The following SLC39A3 variants were observed in gnomAD, a reference collection of about 807,000 sequenced individuals.
SLC39A3 encodes the protein solute carrier family 39 member 3.
A neutral mutation model predicts 5.1 loss-of-function variants in SLC39A3; 3 were observed. That is an observed-to-expected ratio of 0.59 (90% confidence interval 0.27 to 1.54). The LOEUF (loss-of-function observed/expected upper bound fraction) is 1.54, where lower values mean the gene tolerates loss of function less well. Among genes scored for constraint, SLC39A3 ranks in the 40% most tolerant of loss-of-function variants. The probability of loss-of-function intolerance (pLI) is 0.12; values close to 1 mark genes in which losing one functional copy is unlikely to be tolerated. For synonymous variants in SLC39A3, 250 were observed against 218.8 expected (o/e 1.14, Z -1.26); for missense variants, 412 against 436.4 (o/e 0.94, Z 0.50).
intron 2 of SLC39A3, 78 bp downstream of exon 2, chr19:2,736,970 C>T (rs751234086): frequency 5.6e-5 from 89 of 1,593,610 alleles, no homozygotes; most frequent in Non-Finnish European, 7.3e-5. Context: ...CTGAACTTGG[C>T]ATCAGTGTTG....
chr19:2,735,243 C>G lies in SLC39A3; in HGVS notation c.211-1758G>C. On this transcript the variant is annotated intron_variant, in intron 2 of 2. Transcript: ENST00000269740. The surrounding 1 kb of genome is among the most constrained non-coding windows in gnomAD (Gnocchi z 5.7). Reference sequence around the variant, plus strand: ...CCATCCTCGCAGTGCAGATGTCAGTCTTCACACACCGCGTAACGAACGAAT... The same window carrying G: ...CCATCCTCGCAGTGCAGATGTCAGTGTTCACACACCGCGTAACGAACGAAT... The G allele has an allele frequency of 1.0e-6, 1 of 984,740 alleles. No individual in the cohort carries two copies. The highest frequency in any genetic ancestry group is 1.7e-5 in the African/African-American group (1 of 57,336). The allele number at this position is 984,740 out of a possible 1,614,324, so 61.0% of individuals were successfully genotyped here.
chr19:2,737,032 C>T lies in SLC39A3; in HGVS notation c.210+16G>A. ...AAGGTGCCAAGGGCTGCTGCTAGTG[C>T]CCAGGGAGCCCTTACCTTTTCCCTC... On this transcript the variant is annotated intron_variant, in intron 2 of 2. Transcript: ENST00000269740. The T allele has an allele frequency of 6.2e-7, 1 of 1,613,930 alleles. No individual in the cohort carries two copies. The highest frequency in any genetic ancestry group is 8.5e-7 in the Non-Finnish European group (1 of 1,179,884).
At chr19:2,739,675 A>T (rs756018843) in intron 1 of SLC39A3, among the ~76,000 whole-genome samples, 8 of 152,118 alleles carry the variant, frequency 5.3e-5, no homozygotes, top group Non-Finnish European at 4.4e-5. Context: ...GGCGCCCAAT[A>T]AAGACCTGTC....
rs1914293425 is a variant in SLC39A3, at chr19:2,734,424, A to ACACACGCACG, written c.211-949_211-940dup. ...CACACACACACACACGCATATGTGC[A>ACACACGCACG]CACACGCACGCACACACACGCGCAC... On this transcript the variant is annotated intron_variant, in intron 2 of 2. Coordinates refer to ENST00000269740, the MANE Select transcript of SLC39A3 (RefSeq NM_144564.5). The surrounding 1 kb of genome is among the most constrained non-coding windows in gnomAD (Gnocchi z 4.6). The ACACACGCACG allele has an allele frequency of 6.6e-6, 1 of 152,384 alleles. No homozygotes were observed. Among genetic ancestry groups the ACACACGCACG allele is most frequent in the South Asian group, 2.1e-4 (1 of 4,844 alleles). The allele number at this position is 152,384 out of a possible 1,614,324, so 9.4% of individuals were successfully genotyped here. A position where few individuals can be genotyped will look rare whatever the true frequency, so the allele number is the denominator to read the frequency against.
chr19:2,733,587 C>T lies in SLC39A3; in HGVS notation c.211-102G>A, dbSNP rs1914268017. Reference sequence around the variant, plus strand: ...CCGTTCAAAGCAAAGTCCAGAAATCCCCGATTCACACAGAGGTTAAAACAA... The same window carrying T: ...CCGTTCAAAGCAAAGTCCAGAAATCTCCGATTCACACAGAGGTTAAAACAA... On this transcript the variant is annotated intron_variant, in intron 2 of 2. Coordinates refer to ENST00000269740, the MANE Select transcript of SLC39A3 (RefSeq NM_144564.5). This position sits in a 1 kb window ranked among gnomAD's most constrained non-coding sequence, Gnocchi z 6.1. 15 of 1,434,714 alleles carry T rather than the reference C, an allele frequency of 1.0e-5. No individual in the cohort carries two copies. Among genetic ancestry groups the T allele is most frequent in the Non-Finnish European group, 1.4e-5 (15 of 1,075,844 alleles). 88.9% of individuals were successfully genotyped at this position (1,434,714 alleles called of 1,614,324 possible). A position where few individuals can be genotyped will look rare whatever the true frequency, so the allele number is the denominator to read the frequency against.
intron 2 of SLC39A3, chr19:2,736,836 T>A: frequency 6.8e-7 from 1 of 1,468,074 alleles, no homozygotes; most frequent in Non-Finnish European, 9.0e-7. Context: ...CTGTTGGGAA[T>A]CCCAGGTCTG....
Position 2,733,201 on chromosome 19 carries a change from G to T in SLC39A3, c.495C>A (p.Ala165=). ...CCAGGCTGAGCAGGCGCACGGGGCTGGCGCGCGAGAGGCCCTGCACGCTCA... is the reference window on the plus strand; with the variant it reads ...CCAGGCTGAGCAGGCGCACGGGGCTTGCGCGCGAGAGGCCCTGCACGCTCA... ...PSLSVQGLSR[A]SPVRLLSLAF... The change falls in exon 3 of 3, where the codon GCC becomes GCA. Residue 165 remains alanine (A), a synonymous_variant. Coordinates refer to ENST00000269740, the MANE Select transcript of SLC39A3 (RefSeq NM_144564.5). The surrounding 1 kb of genome is among the most constrained non-coding windows in gnomAD (Gnocchi z 6.1). 1 of 1,607,352 alleles carries T rather than the reference G, an allele frequency of 6.2e-7. No homozygotes were observed. The highest frequency in any genetic ancestry group is 8.5e-7 in the Non-Finnish European group (1 of 1,177,034).
intron 2 of SLC39A3, chr19:2,736,688 T>G: frequency 7.4e-7 from 1 of 1,357,148 alleles, no homozygotes; most frequent in Non-Finnish European, 9.5e-7. Flanking sequence ...GTGCTCAGTT[T>G]GCTATAATTT....
intron 2 of SLC39A3, chr19:2,736,225 G>A (rs1247575871): frequency 2.0e-6 from 2 of 983,752 alleles, no homozygotes; most frequent in Non-Finnish European, 2.4e-6. Flanking sequence ...CCTGCCTCTT[G>A]ACAGCCATAC....
Position 2,733,190 on chromosome 19 carries a change from C to T in SLC39A3, c.506G>A (p.Arg169His), listed in dbSNP as rs140376410. The change falls in exon 3 of 3, where the codon CGC becomes CAC. Residue 169 changes from arginine (R) to histidine (H), a missense_variant. Coordinates refer to ENST00000269740, the MANE Select transcript of SLC39A3 (RefSeq NM_144564.5). This position sits in a 1 kb window ranked among gnomAD's most constrained non-coding sequence, Gnocchi z 6.1. ...CAGCGCGAAGGCCAGGCTGAGCAGG[C>T]GCACGGGGCTGGCGCGCGAGAGGCC... is the stretch of plus-strand genomic sequence containing the variant. ...VQGLSRASPV[R>H]LLSLAFALSA... 0.013 allele frequency: 20,202 copies of T among 1,607,586 alleles called. 148 individuals are homozygous for T. Among genetic ancestry groups the T allele is most frequent in the Non-Finnish European group, 0.016 (18,434 of 1,177,444 alleles).
chr19:2,734,560 T>G lies in SLC39A3; in HGVS notation c.211-1075A>C. Reference sequence around the variant, plus strand: ...ACATTTTTTATTTTCACAACTCGGGTAGGGGGAAGGTGCTGACATTCGGGG... The same window carrying G: ...ACATTTTTTATTTTCACAACTCGGGGAGGGGGAAGGTGCTGACATTCGGGG... On this transcript the variant is annotated intron_variant, in intron 2 of 2. Coordinates refer to ENST00000269740, the MANE Select transcript of SLC39A3 (RefSeq NM_144564.5). This position sits in a 1 kb window ranked among gnomAD's most constrained non-coding sequence, Gnocchi z 4.6. 5.5e-6 allele frequency: 1 copy of G among 180,546 alleles called. No homozygotes were observed. Among genetic ancestry groups the G allele is most frequent in the Non-Finnish European group, 1.1e-5 (1 of 93,896 alleles). The allele number at this position is 180,546 out of a possible 1,614,324, so 11.2% of individuals were successfully genotyped here.
At position 2,734,539 on chromosome 19, in the gene SLC39A3, T is replaced by G. The variant is rs1235297146; in HGVS notation, c.211-1054A>C. 1 of 169,744 alleles carries G rather than the reference T, an allele frequency of 5.9e-6. No homozygotes were observed. Among genetic ancestry groups the G allele is most frequent in the Non-Finnish European group, 1.2e-5 (1 of 84,004 alleles). 10.5% of individuals were successfully genotyped at this position (169,744 alleles called of 1,614,324 possible). A position where few individuals can be genotyped will look rare whatever the true frequency, so the allele number is the denominator to read the frequency against. ...GACACCTGGCAATGTCTGGAAACAT[T>G]TTTTATTTTCACAACTCGGGTAGGG... On this transcript the variant is annotated intron_variant, in intron 2 of 2. Transcript: ENST00000269740. This position sits in a 1 kb window ranked among gnomAD's most constrained non-coding sequence, Gnocchi z 4.6.
chr19:2,738,791 G>A (rs752738205), intron 1 of SLC39A3, among the ~76,000 whole-genome samples: 2 of 152,082 alleles, frequency 1.3e-5, no homozygotes, highest in African/African-American at 4.8e-5. Context: ...ACAAAAATTA[G>A]CTGGGTGTGG....
At chr19:2,738,177 C>G (rs574069707) in intron 1 of SLC39A3, among the ~76,000 whole-genome samples, 2 of 94,556 alleles carry the variant, frequency 2.1e-5, no homozygotes, top group Admixed American at 1.5e-4. Flanking sequence ...CCAGGCTGGG[C>G]AACAAGAGCA....
At chr19:2,736,774 T>C in intron 2 of SLC39A3, 4 of 1,441,994 alleles carry the variant, frequency 2.8e-6, no homozygotes, top group Non-Finnish European at 3.6e-6. Flanking sequence ...GAGTGTGCCC[T>C]ACCTAGGTGG....
rs1914251352 is a variant in SLC39A3 at position 2,733,212 on chromosome 19, G to A, written c.484C>T (p.Leu162Phe). 2 of 1,606,358 alleles carry A rather than the reference G, an allele frequency of 1.2e-6. No individual in the cohort carries two copies. The highest frequency in any genetic ancestry group is 2.7e-5 in the African/African-American group (2 of 74,686). The change falls in exon 3 of 3, where the codon CTC becomes TTC. Residue 162 changes from leucine (L) to phenylalanine (F), a missense_variant. By Grantham distance (22) the Leu-to-Phe change is conservative. Coordinates refer to ENST00000269740, the MANE Select transcript of SLC39A3 (RefSeq NM_144564.5). The surrounding 1 kb of genome is among the most constrained non-coding windows in gnomAD (Gnocchi z 6.1). ...GHGPSLSVQG[L>F]SRASPVRLLS... ...AGGCGCACGGGGCTGGCGCGCGAGAGGCCCTGCACGCTCAGGCTGGGGCCG... is the reference window on the plus strand; with the variant it reads ...AGGCGCACGGGGCTGGCGCGCGAGAAGCCCTGCACGCTCAGGCTGGGGCCG...
rs1261641231 is a variant in SLC39A3, at chr19:2,732,812, T to G, written c.884A>C (p.Lys295Thr). ...ELEEKSDRLL[K>T]VLFLVLGYTV... ...GTAGCCCAGCACCAGGAAGAGGACC[T>G]TGAGCAGACGGTCACTCTTCTCCTC... The change falls in exon 3 of 3, where the codon AAG becomes ACG. Residue 295 changes from lysine to threonine, a missense_variant. Physicochemically the swap from Lys to Thr is moderately conservative, Grantham distance 78. Transcript: ENST00000269740. 1 of 1,611,162 alleles carries G rather than the reference T, an allele frequency of 6.2e-7. No homozygotes were observed. The highest frequency in any genetic ancestry group is 1.1e-5 in the South Asian group (1 of 90,938).
chr19:2,733,029 C>T lies in SLC39A3; in HGVS notation c.667G>A (p.Ala223Thr). The T allele has an allele frequency of 6.2e-7, 1 of 1,606,384 alleles. No homozygotes were observed. Among genetic ancestry groups the T allele is most frequent in the Admixed American group, 1.7e-5 (1 of 59,218 alleles). Residue 223 changes from alanine to threonine, a missense_variant, in exon 3 of 3, where the codon GCC becomes ACC. Ala to Thr is a moderately conservative substitution (Grantham distance 58). Transcript: ENST00000269740. This position sits in a 1 kb window ranked among gnomAD's most constrained non-coding sequence, Gnocchi z 6.1. ...TTGGCCGCGTCCCGCAGGGGCATGGCACTCCGGGCCATGCTGATGCCCAGG... is the reference window on the plus strand; with the variant it reads ...TTGGCCGCGTCCCGCAGGGGCATGGTACTCCGGGCCATGCTGATGCCCAGG... The part of the protein sequence containing the change: ...VALGISMARS[A>T]MPLRDAAKLA...
At chr19:2,737,943 A>C (rs1438665346) in intron 1 of SLC39A3, among the ~76,000 whole-genome samples, 1 of 152,096 alleles carries the variant, frequency 6.6e-6, no homozygotes, top group Non-Finnish European at 1.5e-5. Flanking sequence ...TCACACCTGC[A>C]ATCCCAGAAC....
Sources: gnomAD v4.1 joint callset for allele counts (sites outside exome capture counted in the v4.1 genomes callset) on GRCh38, gnomAD v4.1.1 for gene constraint, Gnocchi (gnomAD v3.1) non-coding constraint, MANE v1.5 for transcripts, NCBI Gene and HGNC (gene_info 2026-07-23, HGNC 2026-07-21) for gene names.